ITFG1: variants seen among roughly 807,000 people sequenced by gnomAD.
The protein encoded by ITFG1 is integrin alpha FG-GAP repeat containing 1, also known as T-cell immunomodulatory protein.
Under a neutral mutation model 81.8 loss-of-function variants are expected in ITFG1, and 34 were observed. That is an observed-to-expected ratio of 0.42 (90% confidence interval 0.32 to 0.55). ITFG1 has a LOEUF of 0.55. ITFG1 is among the 20% of genes least tolerant of loss of function. The probability of loss-of-function intolerance (pLI) is 0.17; values close to 1 mark genes in which losing one functional copy is unlikely to be tolerated. For synonymous variants in ITFG1, 285 were observed against 270.6 expected (o/e 1.05, Z -0.52); for missense variants, 672 against 755.4 (o/e 0.89, Z 1.29).
intron 6 of ITFG1, among the ~76,000 whole-genome samples, chr16:47,391,237 T>C (rs541355673): frequency 6.6e-6 from 1 of 152,310 alleles, no homozygotes; most frequent in East Asian, 1.9e-4. Context: ...TCAACTACTA[T>C]ACAAGGCACT....
At chr16:47,316,419 T>C (rs1967359740) in intron 8 of ITFG1, among the ~76,000 whole-genome samples, 1 of 152,182 alleles carries the variant, frequency 6.6e-6, no homozygotes, top group Non-Finnish European at 1.5e-5. Context: ...AGTACATACA[T>C]TAAGGTCCTT....
At chr16:47,397,365 C>T (rs189438964) in intron 6 of ITFG1, among the ~76,000 whole-genome samples, 67 of 152,184 alleles carry the variant, frequency 4.4e-4, no homozygotes, top group African/African-American at 1.3e-3. Context: ...AATGGTCACT[C>T]TTACTGGGCA....
At chr16:47,156,488 T>C (rs1964710294) in intron 17 of ITFG1, among the ~76,000 whole-genome samples, 1 of 152,182 alleles carries the variant, frequency 6.6e-6, no homozygotes. Context: ...GGCCCTTTGC[T>C]TCTAATACTC....
intron 6 of ITFG1, among the ~76,000 whole-genome samples, chr16:47,420,948 A>G (rs1968938380): frequency 6.6e-6 from 1 of 152,144 alleles, no homozygotes; most frequent in South Asian, 2.1e-4. Flanking sequence ...CCACTGTTAG[A>G]TGCGTATATA....
At chr16:47,312,430 T>C (rs1389385423) in intron 9 of ITFG1, among the ~76,000 whole-genome samples, 1 of 152,072 alleles carries the variant, frequency 6.6e-6, no homozygotes, top group Non-Finnish European at 1.5e-5. Context: ...TCTCCAACAA[T>C]TTATGTATTT....
At chr16:47,433,551 T>C (rs1267511624) in intron 5 of ITFG1, among the ~76,000 whole-genome samples, 1 of 152,086 alleles carries the variant, frequency 6.6e-6, no homozygotes, top group African/African-American at 2.4e-5. Flanking sequence ...TTTTGAACAT[T>C]TAAAATCAAC....
chr16:47,331,025 A>T (rs971887034), intron 8 of ITFG1, among the ~76,000 whole-genome samples: 8 of 152,204 alleles, frequency 5.3e-5, no homozygotes, highest in Non-Finnish European at 8.8e-5. Flanking sequence ...CTGCACTTGT[A>T]TGTTCATCAC....
chr16:47,376,532 T>C (rs901570485), intron 6 of ITFG1, among the ~76,000 whole-genome samples: 1 of 152,186 alleles, frequency 6.6e-6, no homozygotes, highest in Non-Finnish European at 1.5e-5. Flanking sequence ...AAATGAAACA[T>C]CCTATTATTG....
chr16:47,440,539 A>C (rs1486582546), intron 5 of ITFG1, among the ~76,000 whole-genome samples: 3 of 152,228 alleles, frequency 2.0e-5, no homozygotes, highest in African/African-American at 7.2e-5. Flanking sequence ...AACTCACTCA[A>C]AACCGCTCAA....
intron 5 of ITFG1, chr16:47,449,182 C>T (rs1969359101): frequency 6.6e-6 from 1 of 152,208 alleles, no homozygotes; most frequent in Non-Finnish European, 1.5e-5. Context: ...TCATTGCATG[C>T]TTCCCAAACC....
At chr16:47,341,640 GGATA>G (rs1967786436) in intron 8 of ITFG1, among the ~76,000 whole-genome samples, 1 of 151,636 alleles carries the variant, frequency 6.6e-6, no homozygotes, top group Non-Finnish European at 1.5e-5. Context: ...AAAGAAAACG[GGATA>G]GACAGACCAT....
At chr16:47,213,635 C>A (rs1415177746) in intron 14 of ITFG1, among the ~76,000 whole-genome samples, 1 of 152,116 alleles carries the variant, frequency 6.6e-6, no homozygotes, top group Non-Finnish European at 1.5e-5. Flanking sequence ...GAAGGTTGAG[C>A]TGATTACTAA....
chr16:47,245,038 C>T (rs1965984309), intron 12 of ITFG1, among the ~76,000 whole-genome samples: 1 of 152,138 alleles, frequency 6.6e-6, no homozygotes, highest in African/African-American at 2.4e-5. Flanking sequence ...AATACACATA[C>T]ATACTTCCTT....
At chr16:47,460,808 G>A (rs747065637) in intron 1 of ITFG1, 30 bp downstream of exon 1, 2 of 1,608,470 alleles carry the variant, frequency 1.2e-6, no homozygotes, top group Non-Finnish European at 1.7e-6. Flanking sequence ...CACGGACAGC[G>A]AACAGAGGGA....
chr16:47,276,796 G>A (rs1464799026), intron 10 of ITFG1, among the ~76,000 whole-genome samples: 2 of 152,236 alleles, frequency 1.3e-5, no homozygotes, highest in African/African-American at 4.8e-5. Context: ...CATTAAGCAT[G>A]GGGACAACTG....
intron 8 of ITFG1, among the ~76,000 whole-genome samples, chr16:47,323,160 G>A (rs1459969594): frequency 2.0e-5 from 3 of 152,066 alleles, no homozygotes; most frequent in Non-Finnish European, 4.4e-5. Context: ...AGGCACTATT[G>A]AGAAGTGTGG....
At chr16:47,208,227 T>A (rs1965524455) in intron 14 of ITFG1, among the ~76,000 whole-genome samples, 1 of 152,208 alleles carries the variant, frequency 6.6e-6, no homozygotes, top group African/African-American at 2.4e-5. Context: ...AGGCTCTGCC[T>A]CATACTAGCT....
chr16:47,461,246 C>A, upstream of ITFG1: 1 of 1,059,980 alleles, frequency 9.4e-7, no homozygotes, highest in Non-Finnish European at 1.4e-6. Context: ...CCCTCACGCT[C>A]ACTTCCGGCA....
intron 10 of ITFG1, among the ~76,000 whole-genome samples, chr16:47,283,960 G>A (rs1355416846): frequency 1.3e-5 from 2 of 152,168 alleles, no homozygotes; most frequent in Middle Eastern, 3.2e-3. Context: ...GGTAAATCTT[G>A]AAAACACTAT....
Sources: allele counts gnomAD v4.1 joint callset (sites outside exome capture counted in the v4.1 genomes callset), GRCh38; gene constraint gnomAD v4.1.1; transcripts MANE v1.5; gene names NCBI Gene and HGNC (gene_info 2026-07-23, HGNC 2026-07-21).